Variants in DSC1 observed in about 807,000 individuals in gnomAD.
DSC1 encodes desmocollin-1.
A neutral mutation model predicts 98.8 loss-of-function variants in DSC1; 79 were observed. The ratio of observed to expected loss-of-function variants is 0.80; its 90% confidence interval spans 0.67 to 0.96. The LOEUF is 0.96. Among genes scored for constraint, DSC1 ranks in the 50% least tolerant of loss-of-function variants. The pLI, the probability that DSC1 is intolerant of heterozygous loss-of-function variation, is 0.00. For synonymous variants in DSC1, 405 were observed against 372.1 expected, an observed-to-expected ratio of 1.09 and a Z score of -1.02; for missense variants, 1,115 against 1,075.9, an observed-to-expected ratio of 1.04 and a Z score of -0.51.
Position 31,130,766 on chromosome 18 carries a change from A to T in DSC1, c.2488-55T>A, listed in dbSNP as rs1225782089. 1.9e-6 allele frequency: 3 copies of T among 1,611,888 alleles called. No individual in the cohort carries two copies. The Admixed American group carries it at 5.0e-5, about 27-fold the overall frequency. On this transcript the variant is annotated intron_variant, in intron 15 of 15. Transcript: ENST00000257198. ...TTTTTAAAAAACACCTAAACATATT[A>T]GCAGAAAAATGATGTCTTTGATTTA...
intron 1 of DSC1, 53 bp from the exon 2 acceptor site, chr18:31,159,582 T>C: frequency 1.4e-6 from 2 of 1,481,270 alleles, no homozygotes; most frequent in Non-Finnish European, 1.8e-6. Context: ...TCACAAATTT[T>C]CACATTGTAG....
At position 31,159,638 on chromosome 18, in the gene DSC1, A is replaced by G. The variant is rs1598633077; in HGVS notation, c.64-109T>C. 4.7e-6 allele frequency: 5 copies of G among 1,060,658 alleles called. No homozygotes were observed. The African/African-American group carries it at 4.9e-5, about 10-fold the overall frequency. 65.7% of individuals were successfully genotyped at this position (1,060,658 alleles called of 1,614,324 possible). On this transcript the variant is annotated intron_variant, in intron 1 of 15. Coordinates refer to ENST00000257198, the MANE Select transcript of DSC1 (RefSeq NM_024421.2). ...TATTGTCAATTTTGGAAACAAATTAATCATTTAATTCTTTACATTTTTAAT... is the reference window on the plus strand; with the variant it reads ...TATTGTCAATTTTGGAAACAAATTAGTCATTTAATTCTTTACATTTTTAAT...
intron 14 of DSC1, chr18:31,132,248 GGA>G (rs1357674234): frequency 5.7e-6 from 2 of 352,706 alleles, no homozygotes; most frequent in African/African-American, 4.2e-5. Flanking sequence ...GCAGAAGCTA[GGA>G]GAGAGTCCTG....
At chr18:31,150,353 A>AT (rs1233115188) in intron 5 of DSC1, among the ~76,000 whole-genome samples, 3 of 93,598 alleles carry the variant, frequency 3.2e-5, no homozygotes, top group Admixed American at 1.3e-4. Flanking sequence ...CACCACCACC[A>AT]CCACCATCAT....
At chr18:31,150,458 CCAT>C (rs1383628955) in intron 5 of DSC1, among the ~76,000 whole-genome samples, 8 of 5,502 alleles carry the variant, frequency 1.5e-3, no homozygotes, top group Middle Eastern at 0.083. Context: ...ACCACCACCA[CCAT>C]CATCATCACC....
At chr18:31,137,982 TG>T (rs1567997612) in intron 11 of DSC1, among the ~76,000 whole-genome samples, 1 of 151,434 alleles carries the variant, frequency 6.6e-6, no homozygotes, top group East Asian at 1.9e-4. Context: ...TGTGTGTGTG[TG>T]TGTGTGTGTG....
At chr18:31,138,503 T>C (rs1035798692) in intron 11 of DSC1, among the ~76,000 whole-genome samples, 9 of 152,180 alleles carry the variant, frequency 5.9e-5, no homozygotes, top group Non-Finnish European at 1.2e-4. Flanking sequence ...TACTTAGAAC[T>C]TAATAGACAA....
At chr18:31,144,851 C>T (rs7237676) in intron 7 of DSC1, among the ~76,000 whole-genome samples, 43,191 of 151,412 alleles carry the variant, frequency 0.29, 7,139 homozygotes, top group East Asian at 0.56. Flanking sequence ...AATATAACAC[C>T]GTGGGGCAGG....
At chr18:31,155,501 G>T (rs1989078871) in intron 4 of DSC1, among the ~76,000 whole-genome samples, 1 of 152,032 alleles carries the variant, frequency 6.6e-6, no homozygotes, top group Admixed American at 6.6e-5. Context: ...TTCGTGGTGG[G>T]TGTCCGTAAT....
At chr18:31,148,406 A>G in intron 6 of DSC1, 92 bp downstream of exon 6, 1 of 1,387,240 alleles carries the variant, frequency 7.2e-7, no homozygotes, top group Non-Finnish European at 9.6e-7. Flanking sequence ...AAATGCATAA[A>G]ATGCAATGAT....
intron 6 of DSC1, among the ~76,000 whole-genome samples, chr18:31,146,055 TTCTC>T (rs990145481): frequency 1.3e-5 from 2 of 152,186 alleles, no homozygotes; most frequent in Non-Finnish European, 2.9e-5. Context: ...CTGAAATTCT[TTCTC>T]TCTAAGTTCA....
intron 11 of DSC1, among the ~76,000 whole-genome samples, chr18:31,139,082 CAT>C (rs1988674302): frequency 6.6e-6 from 1 of 151,718 alleles, no homozygotes; most frequent in African/African-American, 2.4e-5. Flanking sequence ...TATTTAAAAA[CAT>C]ATTTATAAAT....
intron 5 of DSC1, among the ~76,000 whole-genome samples, chr18:31,153,074 AT>A (rs1256704047): frequency 3.3e-5 from 5 of 151,770 alleles, no homozygotes; most frequent in Non-Finnish European, 7.4e-5. Flanking sequence ...ATTCATTTAC[AT>A]TTTTTTAAAT....
In DSC1 at chr18:31,143,640, T is replaced by C. The variant is rs1988783051; in HGVS notation, c.1074+17A>G. On this transcript the variant is annotated intron_variant, in intron 8 of 15. Coordinates refer to ENST00000257198, the MANE Select transcript of DSC1 (RefSeq NM_024421.2). ...AAGTAGATAAATCTAGATGAATGAATAGAGAGGTATACTCACAGAAGTTTC... is the reference window on the plus strand; with the variant it reads ...AAGTAGATAAATCTAGATGAATGAACAGAGAGGTATACTCACAGAAGTTTC... 1 of 1,527,924 alleles carries C rather than the reference T, an allele frequency of 6.5e-7. No homozygotes were observed. Among genetic ancestry groups the C allele is most frequent in the South Asian group, 1.3e-5 (1 of 75,766 alleles). 94.6% of individuals were successfully genotyped at this position (1,527,924 alleles called of 1,614,324 possible). A position where few individuals can be genotyped will look rare whatever the true frequency, so the allele number is the denominator to read the frequency against.
rs768517180 is a variant in DSC1, at chr18:31,143,798, A to C, written c.940-7T>G. The C allele has an allele frequency of 3.4e-5, 52 of 1,545,112 alleles. No individual in the cohort carries two copies. Among genetic ancestry groups the C allele is most frequent in the Non-Finnish European group, 5.2e-6 (6 of 1,150,242 alleles). ...ACTGGTAAGTATCACATTTCTGAAAAAAAGGAAAAAACTACATTAATGAAC... is the reference window on the plus strand; with the variant it reads ...ACTGGTAAGTATCACATTTCTGAAACAAAGGAAAAAACTACATTAATGAAC... On this transcript the variant is annotated splice_region_variant and splice_polypyrimidine_tract_variant and intron_variant, in intron 7 of 15. Coordinates refer to ENST00000257198, the MANE Select transcript of DSC1 (RefSeq NM_024421.2).
intron 5 of DSC1, 49 bp downstream of exon 5, chr18:31,154,725 A>T: frequency 7.0e-7 from 1 of 1,433,268 alleles, no homozygotes. Flanking sequence ...AAATATTAGT[A>T]AGCCAGTAAT....
intron 13 of DSC1, among the ~76,000 whole-genome samples, chr18:31,133,433 A>C (rs1988538856): frequency 6.6e-6 from 1 of 152,152 alleles, no homozygotes; most frequent in Admixed American, 6.6e-5. Flanking sequence ...TCTTACGATG[A>C]TGCTAAATCA....
rs369267257 is a variant in DSC1 at position 31,162,731 on chromosome 18, ACAGTCCGGAGG to A, written c.-148_-138del. ...GATGCAGCTGAGCTTGGTTTGGAAGACAGTCCGGAGGCAAGTGATAAACAGTAGGAGGAGCA... is the reference window on the plus strand; with the variant it reads ...GATGCAGCTGAGCTTGGTTTGGAAGACAAGTGATAAACAGTAGGAGGAGCA... On this transcript the variant is annotated 5_prime_UTR_variant, in exon 1 of 16. Transcript: ENST00000257198. 338 of 715,082 alleles carry A rather than the reference ACAGTCCGGAGG, an allele frequency of 4.7e-4. 2 individuals carry two copies. In the African/African-American group the frequency reaches 5.3e-3, roughly 11 times the overall value. The allele number at this position is 715,082 out of a possible 1,614,324, so 44.3% of individuals were successfully genotyped here. A position where few individuals can be genotyped will look rare whatever the true frequency, so the allele number is the denominator to read the frequency against.
chr18:31,139,922 A>G lies in DSC1; in HGVS notation c.1521-32T>C, dbSNP rs776310006. ...TTTAGAAATCAAATATGAACGGTCAAATCAAAGAAGGGACATGATCTTAAA... is the reference window on the plus strand; with the variant it reads ...TTTAGAAATCAAATATGAACGGTCAGATCAAAGAAGGGACATGATCTTAAA... On this transcript the variant is annotated intron_variant, in intron 10 of 15. Transcript: ENST00000257198. 4 of 1,579,818 alleles carry G rather than the reference A, an allele frequency of 2.5e-6. No individual in the cohort carries two copies. In the South Asian group the frequency reaches 3.5e-5, roughly 14 times the overall value.
Sources: gnomAD v4.1 joint callset for allele counts (sites outside exome capture counted in the v4.1 genomes callset) on GRCh38, gnomAD v4.1.1 for gene constraint, MANE v1.5 for transcripts, NCBI Gene and HGNC (gene_info 2026-07-23, HGNC 2026-07-21) for gene names.